NXPE4: variants seen among roughly 807,000 people sequenced by gnomAD.
NXPE4 encodes NXPE family member 4.
Under a neutral mutation model 33.3 loss-of-function variants are expected in NXPE4, and 42 were observed. The ratio of observed to expected loss-of-function variants is 1.26; its 90% CI spans 0.98 to 1.63. The LOEUF (loss-of-function observed/expected upper bound fraction) is 1.63, where lower values mean the gene tolerates loss of function less well. NXPE4 is among the 40% of genes most tolerant of loss of function. NXPE4 has a pLI of 0.00. For missense variants in NXPE4, 709 were observed against 647.6 expected, an observed-to-expected ratio of 1.09 and a Z score of -1.03; for synonymous variants, 253 against 234.9, an observed-to-expected ratio of 1.08 and a Z score of -0.71.
At chr11:114,617,771 A>C in the NXPE4 span, among the ~76,000 whole-genome samples, 2,234 of 152,204 alleles carry the variant, frequency 0.015, 43 homozygotes, top group African/African-American at 0.051. Context: ...GTGGATAATA[A>C]GTGTTGCCTT....
chr11:114,586,737 T>C (rs1486916319), intron 2 of NXPE4, among the ~76,000 whole-genome samples: 2 of 152,228 alleles, frequency 1.3e-5, no homozygotes, highest in Admixed American at 6.5e-5. Context: ...TGATGGGTGA[T>C]GGCAACAGGA....
chr11:114,600,065 C>T (rs1039000569), upstream of NXPE4, among the ~76,000 whole-genome samples: 1 of 152,142 alleles, frequency 6.6e-6, no homozygotes, highest in Non-Finnish European at 1.5e-5. Flanking sequence ...AGCATTAGAA[C>T]TCTTCAGTAA....
chr11:114,626,210 A>T, the NXPE4 span, among the ~76,000 whole-genome samples: 2,231 of 152,266 alleles, frequency 0.015, 42 homozygotes, highest in African/African-American at 0.051. Flanking sequence ...TGTAGGCTCC[A>T]CCTCTGGGGG....
At chr11:114,575,097 C>T (rs1299971297) in intron 5 of NXPE4, among the ~76,000 whole-genome samples, 1 of 151,908 alleles carries the variant, frequency 6.6e-6, no homozygotes, top group African/African-American at 2.4e-5. Flanking sequence ...AAAATCACAT[C>T]ATCGTCTCAG....
At chr11:114,619,110 T>TA in the NXPE4 span, among the ~76,000 whole-genome samples, 1 of 151,822 alleles carries the variant, frequency 6.6e-6, no homozygotes, top group Non-Finnish European at 1.5e-5. Flanking sequence ...GCACTGTGGA[T>TA]AATAAGTGTT....
At chr11:114,608,677 A>G in the NXPE4 span, among the ~76,000 whole-genome samples, 21,555 of 151,404 alleles carry the variant, frequency 0.14, 1,983 homozygotes, top group East Asian at 0.37. Context: ...GATAATAAGC[A>G]TTGCCTCCCA....
chr11:114,601,652 T>TA, the NXPE4 span, among the ~76,000 whole-genome samples: 1 of 73,594 alleles, frequency 1.4e-5, no homozygotes, highest in South Asian at 4.2e-4. Context: ...TATAATTATA[T>TA]ATTATAAATA....
chr11:114,649,694 G>A, the NXPE4 span, among the ~76,000 whole-genome samples: 1 of 152,190 alleles, frequency 6.6e-6, no homozygotes, highest in Non-Finnish European at 1.5e-5. Flanking sequence ...GTAACAGGTA[G>A]TAGGAGGAAA....
upstream of NXPE4, among the ~76,000 whole-genome samples, chr11:114,598,103 A>G (rs1949598528): frequency 6.6e-6 from 1 of 152,196 alleles, no homozygotes; most frequent in Non-Finnish European, 1.5e-5. Flanking sequence ...TCCCTTTTAC[A>G]TTCTAAAAGG....
chr11:114,574,360 G>C (rs1031617437), intron 5 of NXPE4, among the ~76,000 whole-genome samples: 4 of 151,872 alleles, frequency 2.6e-5, no homozygotes, highest in African/African-American at 9.7e-5. Flanking sequence ...ATGAAGATCA[G>C]AGCAGAAGTA....
the NXPE4 span, among the ~76,000 whole-genome samples, chr11:114,667,322 T>G: frequency 1.3e-5 from 2 of 152,162 alleles, no homozygotes; most frequent in Non-Finnish European, 2.9e-5. Context: ...ATAATTATAT[T>G]TAATAACTAA....
chr11:114,663,100 C>T, the NXPE4 span, among the ~76,000 whole-genome samples: 1 of 152,172 alleles, frequency 6.6e-6, no homozygotes, highest in Non-Finnish European at 1.5e-5. Context: ...GGCCAGGCAT[C>T]ATTCACCAAA....
chr11:114,583,211 G>C (rs770482246), intron 2 of NXPE4, 190 bp from the exon 3 acceptor site: 9 of 738,402 alleles, frequency 1.2e-5, no homozygotes, highest in African/African-American at 1.8e-5. Flanking sequence ...ATAGAATGGA[G>C]ATTGACTGAC....
the NXPE4 span, among the ~76,000 whole-genome samples, chr11:114,624,028 G>A: frequency 4.5e-4 from 69 of 152,098 alleles, no homozygotes; most frequent in Middle Eastern, 3.4e-3. Context: ...TTGCTTCATG[G>A]GTAACCACTG....
the NXPE4 span, among the ~76,000 whole-genome samples, chr11:114,632,714 AATAT>A: frequency 1.4e-5 from 1 of 74,068 alleles, no homozygotes; most frequent in Non-Finnish European, 2.3e-5. Flanking sequence ...AATATAATAT[AATAT>A]ATATAATATA....
the NXPE4 span, among the ~76,000 whole-genome samples, chr11:114,667,709 A>C: frequency 5.9e-5 from 9 of 152,222 alleles, no homozygotes; most frequent in Non-Finnish European, 1.2e-4. Context: ...CAGACAGCAA[A>C]GAACTGAGGC....
chr11:114,630,877 A>G, the NXPE4 span, among the ~76,000 whole-genome samples: 2 of 151,900 alleles, frequency 1.3e-5, no homozygotes, highest in Non-Finnish European at 2.9e-5. Context: ...ATGAACAGAC[A>G]CTTCTTAAAA....
the NXPE4 span, among the ~76,000 whole-genome samples, chr11:114,675,292 C>T: frequency 6.6e-6 from 1 of 151,616 alleles, no homozygotes; most frequent in Non-Finnish European, 1.5e-5. Context: ...CAACATAGTA[C>T]TGGAAGTCCT....
the NXPE4 span, among the ~76,000 whole-genome samples, chr11:114,614,505 T>A: frequency 6.6e-6 from 1 of 151,114 alleles, no homozygotes; most frequent in African/African-American, 2.4e-5. Context: ...ACCCGGTGGA[T>A]AATAAATGTT....
Sources: gnomAD v4.1 joint callset for allele counts (sites outside exome capture counted in the v4.1 genomes callset) on GRCh38, gnomAD v4.1.1 for gene constraint, MANE v1.5 for transcripts, NCBI Gene and HGNC (gene_info 2026-07-23, HGNC 2026-07-21) for gene names.